The following KNG1 variants were observed in gnomAD, a reference collection of about 807,000 sequenced individuals.
KNG1 encodes kininogen-1.
A neutral mutation model predicts 47.8 loss-of-function variants in KNG1; 23 were observed. That is an observed-to-expected ratio of 0.48 (90% confidence interval 0.35 to 0.68). The LOEUF is 0.68. Among genes scored for constraint, KNG1 ranks in the 30% least tolerant of loss-of-function variants. The probability of loss-of-function intolerance (pLI) is 0.01; values close to 1 mark genes in which losing one functional copy is unlikely to be tolerated. For synonymous variants in KNG1, 277 were observed against 277.0 expected, an observed-to-expected ratio of 1.00 and a Z score of 0.00; for missense variants, 762 against 790.2, an observed-to-expected ratio of 0.96 and a Z score of 0.43.
At chr3:186,727,372 G>C in intron 5 of KNG1, 28 bp downstream of exon 5, 1 of 1,365,512 alleles carries the variant, frequency 7.3e-7, no homozygotes, top group East Asian at 2.3e-5. Context: ...TAATGATAAA[G>C]TTCTTAGCAT....
intron 7 of KNG1, among the ~76,000 whole-genome samples, 168 bp downstream of exon 7, chr3:186,732,842 C>T (rs1031823724): frequency 5.3e-5 from 8 of 152,078 alleles, no homozygotes; most frequent in Non-Finnish European, 1.0e-4. Flanking sequence ...TGCTTCATCC[C>T]GGACAAGTAT....
intron 7 of KNG1, among the ~76,000 whole-genome samples, chr3:186,734,374 A>G (rs1000307897): frequency 1.3e-5 from 2 of 152,162 alleles, no homozygotes; most frequent in African/African-American, 4.8e-5. Flanking sequence ...AGCTCTTGAT[A>G]TGGGGAATGT....
At chr3:186,735,886 G>A (rs540385660) in intron 7 of KNG1, 5 of 152,190 alleles carry the variant, frequency 3.3e-5, no homozygotes, top group Non-Finnish European at 5.9e-5. Flanking sequence ...CAAGCAATGT[G>A]CCCATCTCAA....
chr3:186,719,104 T>C (rs1339821424), intron 1 of KNG1, among the ~76,000 whole-genome samples: 2 of 152,182 alleles, frequency 1.3e-5, no homozygotes, highest in African/African-American at 4.8e-5. Context: ...TTTCATAATC[T>C]AGTACAGTCA....
chr3:186,732,778 G>A (rs1720571605), intron 7 of KNG1, 104 bp downstream of exon 7: 1 of 902,520 alleles, frequency 1.1e-6, no homozygotes, highest in African/African-American at 1.6e-5. Context: ...CCATACATTT[G>A]ATAATGTGAT....
intron 2 of KNG1, among the ~76,000 whole-genome samples, chr3:186,720,778 GTTTTGC>G (rs1288678639): frequency 1.1e-4 from 9 of 82,714 alleles, no homozygotes; most frequent in African/African-American, 3.8e-4. Flanking sequence ...GCTGGTTGTT[GTTTTGC>G]TTTTTTTTTT....
At chr3:186,733,324 C>T (rs1720588615) in intron 7 of KNG1, among the ~76,000 whole-genome samples, 1 of 152,202 alleles carries the variant, frequency 6.6e-6, no homozygotes, top group Non-Finnish European at 1.5e-5. Flanking sequence ...GCCAGGAAGA[C>T]TTACGCTATG....
At position 186,742,850 on chromosome 3, in the gene KNG1, C is replaced by T. The variant is rs555033707; in HGVS notation, c.*519C>T. ...GCAGTGAGCCGAGATCGTGCCACTG[C>T]GCTCCAGCCTGGGCATCAGAGCAAG... is the stretch of plus-strand genomic sequence containing the variant. On this transcript the variant is annotated 3_prime_UTR_variant, in exon 10 of 10. Coordinates refer to ENST00000644859, the MANE Select transcript of KNG1 (RefSeq NM_001102416.3). 153 of 934,950 alleles carry T rather than the reference C, an allele frequency of 1.6e-4. No individual in the cohort carries two copies. Among genetic ancestry groups the T allele is most frequent in the South Asian group, 2.9e-4 (6 of 20,380 alleles). The allele number at this position is 934,950 out of a possible 1,614,324, so 57.9% of individuals were successfully genotyped here.
In KNG1 at chr3:186,722,444, G is replaced by C. The variant is rs769197358; in HGVS notation, c.314G>C (p.Gly105Ala). Reference protein sequence around the residue: ...EYKDAAKAATGECTATVGKRS... With the variant: ...EYKDAAKAATAECTATVGKRS... ...TCTTTCTTTTCTTTTTAGGCCACTG[G>C]AGAATGCACGGCAACCGTGGGGAAG... is the stretch of plus-strand genomic sequence containing the variant. The change falls in exon 3 of 10, where the codon GGA becomes GCA. Residue 105 changes from glycine to alanine, a missense_variant. By Grantham distance (60) the Gly-to-Ala change is moderately conservative. Transcript: ENST00000644859. The C allele has an allele frequency of 5.6e-6, 9 of 1,612,892 alleles. No individual in the cohort carries two copies. The highest frequency in any genetic ancestry group is 5.5e-5 in the South Asian group (5 of 91,040).
At position 186,722,469 on chromosome 3, in the gene KNG1, G is replaced by A. The variant is rs767548723; in HGVS notation, c.339G>A (p.Lys113=). ...ATGECTATVG[K]RSSTKFSVAT... is the part of the protein sequence containing the mutation. ...GAGAATGCACGGCAACCGTGGGGAA[G>A]AGGAGCAGTACGAAATTCTCCGTGG... The change falls in exon 3 of 10, where the codon AAG becomes AAA. Residue 113 remains lysine, a synonymous_variant. Coordinates refer to ENST00000644859, the MANE Select transcript of KNG1 (RefSeq NM_001102416.3). The A allele has an allele frequency of 1.6e-5, 26 of 1,614,104 alleles. No individual in the cohort carries two copies. Among genetic ancestry groups the A allele is most frequent in the Middle Eastern group, 3.3e-4 (2 of 6,060 alleles).
chr3:186,732,294 T>C (rs544595416), intron 6 of KNG1, among the ~76,000 whole-genome samples: 1 of 152,248 alleles, frequency 6.6e-6, no homozygotes, highest in Non-Finnish European at 1.5e-5. Flanking sequence ...CTATTGAAAA[T>C]GTTTCCCTAA....
intron 5 of KNG1, among the ~76,000 whole-genome samples, chr3:186,730,745 T>TATATATACAC (rs1330058085): frequency 8.9e-6 from 1 of 111,978 alleles, no homozygotes; most frequent in Non-Finnish European, 2.0e-5. Flanking sequence ...TATATACACA[T>TATATATACAC]ATATATATAC....
chr3:186,717,758 C>T (rs761308567), intron 1 of KNG1, 21 bp downstream of exon 1: 425 of 1,571,170 alleles, frequency 2.7e-4, no homozygotes, highest in Non-Finnish European at 3.4e-4. Flanking sequence ...TGTGTTTAAC[C>T]TTGAAGTCAC....
chr3:186,737,471 G>A (rs965434104), intron 7 of KNG1, among the ~76,000 whole-genome samples: 17 of 151,940 alleles, frequency 1.1e-4, no homozygotes, highest in African/African-American at 4.1e-4. Flanking sequence ...TCTTTCCTCT[G>A]CTTTTCACCT....
At chr3:186,740,850 G>A (rs5030080) in intron 9 of KNG1, among the ~76,000 whole-genome samples, 157 of 152,204 alleles carry the variant, frequency 1.0e-3, no homozygotes, top group African/African-American at 3.6e-3. Flanking sequence ...ATTAAATACT[G>A]TGCTCAGTAA....
chr3:186,741,383 T>C, intron 9 of KNG1, 139 bp from the exon 10 acceptor site: 2 of 695,256 alleles, frequency 2.9e-6, no homozygotes, highest in African/African-American at 1.8e-5. Flanking sequence ...CTTTCTGGAA[T>C]GTTAATATAG....
Position 186,743,538 on chromosome 3 carries a change from A to G in KNG1, c.*1207A>G. ...TGTCACTGCTGCTTCAAGTTATTGG[A>G]TGCATTTGAACCTCTGAGTTTGTCT... On this transcript the variant is annotated 3_prime_UTR_variant, in exon 10 of 10. Transcript: ENST00000644859. 1.6e-6 allele frequency: 1 copy of G among 626,424 alleles called. No individual in the cohort carries two copies. The allele number at this position is 626,424 out of a possible 1,614,324, so 38.8% of individuals were successfully genotyped here.
chr3:186,739,641 T>C (rs1205132898), intron 9 of KNG1, among the ~76,000 whole-genome samples: 1 of 152,242 alleles, frequency 6.6e-6, no homozygotes, highest in Non-Finnish European at 1.5e-5. Flanking sequence ...GAAGCTTCTA[T>C]AGACTCTCTC....
rs1720563061 is a variant in KNG1 at position 186,732,540 on chromosome 3, G to A, written c.796G>A (p.Gly266Ser). Residue 266 changes from glycine to serine, a missense_variant, in exon 7 of 10, where the codon GGC becomes AGC. By Grantham distance (56) the Gly-to-Ser change is moderately conservative (BLOSUM62 0). Transcript: ENST00000644859. ...FVQPPTKICV[G>S]CPRDIPTNSP... ...ACAACCACCTACCAAGATTTGCGTG[G>A]GCTGCCCCAGAGATATACCCACCAA... 1.2e-6 allele frequency: 2 copies of A among 1,614,012 alleles called. No individual in the cohort carries two copies. Among genetic ancestry groups the A allele is most frequent in the African/African-American group, 1.3e-5 (1 of 74,894 alleles).
Sources: allele counts gnomAD v4.1 joint callset (sites outside exome capture counted in the v4.1 genomes callset), GRCh38; gene constraint gnomAD v4.1.1; transcripts MANE v1.5; gene names NCBI Gene and HGNC (gene_info 2026-07-23, HGNC 2026-07-21).